The following CDKL5 variants were observed in gnomAD, a reference collection of about 807,000 sequenced individuals.
CDKL5 encodes the protein cyclin-dependent kinase-like 5.
CDKL5 carries 8 observed loss-of-function variants against 61.7 expected under a neutral mutation model. The ratio of observed to expected loss-of-function variants is 0.13; its 90% CI spans 0.08 to 0.23. The LOEUF (loss-of-function observed/expected upper bound fraction) is 0.23. Ranked by LOEUF, CDKL5 falls within the 10% of genes least tolerant of loss-of-function variation. The pLI is 1.00. For synonymous variants in CDKL5, 275 were observed against 272.3 expected (o/e 1.01, Z -0.10); for missense variants, 440 against 734.5 (o/e 0.60, Z 4.63).
At chrX:18,426,012 G>C (rs1473501225) in intron 1 of CDKL5, among the ~76,000 whole-genome samples, 1 of 111,236 alleles carries the variant, frequency 9.0e-6, no homozygotes, top group Non-Finnish European at 1.9e-5. Flanking sequence ...GTTCCCCTCA[G>C]CGGCGGGTCT....
chrX:18,426,280 T>C (rs967395507), intron 1 of CDKL5: 6 of 113,108 alleles, frequency 5.3e-5, no homozygotes, highest in African/African-American at 1.9e-4. Context: ...CAGGCGATGC[T>C]GTGAAGTTCA....
intron 1 of CDKL5, among the ~76,000 whole-genome samples, chrX:18,455,722 G>A (rs1197275590): frequency 1.6e-4 from 18 of 112,575 alleles, no homozygotes; most frequent in African/African-American, 4.8e-4. Flanking sequence ...GAAGATAATC[G>A]TAACAATTAT....
chrX:18,436,897 CAAAA>C (rs60845430), intron 1 of CDKL5, among the ~76,000 whole-genome samples: 9 of 15,806 alleles, frequency 5.7e-4, no homozygotes, highest in Admixed American at 1.5e-3. Flanking sequence ...ACTCTTGACT[CAAAA>C]AAAAAAAAAA....
chrX:18,440,566 C>T (rs758364428), intron 1 of CDKL5, among the ~76,000 whole-genome samples: 1 of 111,582 alleles, frequency 9.0e-6, no homozygotes, highest in Admixed American at 9.6e-5. Context: ...CTCTGCCTCC[C>T]GGGTTCAAGC....
At chrX:18,512,127 G>A (rs181946186) in intron 3 of CDKL5, among the ~76,000 whole-genome samples, 9 of 112,139 alleles carry the variant, frequency 8.0e-5, no homozygotes, top group Non-Finnish European at 1.7e-4. Flanking sequence ...TTTACTGGGA[G>A]AGTAACTTTC....
At chrX:18,588,562 T>C (rs1602276459) in intron 9 of CDKL5, 1 of 139,790 alleles carries the variant, frequency 7.2e-6, no homozygotes, top group African/African-American at 3.2e-5. Context: ...GTTCTTGTTT[T>C]AGTAGATGTT....
intron 21 of CDKL5, among the ~76,000 whole-genome samples, chrX:18,651,264 T>TGTGTGTGTGTGTGTGTGTGAGAGA (rs1491242962): frequency 5.8e-5 from 4 of 69,012 alleles, no homozygotes; most frequent in African/African-American, 2.5e-4. Flanking sequence ...TGTGTGTGTG[T>TGTGTGTGTGTGTGTGTGTGAGAGA]GAGAGAGAGA....
intron 5 of CDKL5, among the ~76,000 whole-genome samples, chrX:18,577,700 T>C (rs1925345418): frequency 8.9e-6 from 1 of 111,865 alleles, no homozygotes; most frequent in Admixed American, 9.5e-5. Context: ...TACTCTTCGT[T>C]CTGGGCAGCA....
chrX:18,610,490 A>G (rs1217664201), intron 14 of CDKL5, among the ~76,000 whole-genome samples: 1 of 112,741 alleles, frequency 8.9e-6, no homozygotes, highest in Non-Finnish European at 1.9e-5. Context: ...CTCTCTCACA[A>G]GGTTGTGAGA....
chrX:18,498,203 A>G (rs1868461100), intron 1 of CDKL5, among the ~76,000 whole-genome samples: 1 of 111,402 alleles, frequency 9.0e-6, no homozygotes, highest in African/African-American at 3.3e-5. Flanking sequence ...CACTTCCTTG[A>G]TCACTTTTTT....
intron 1 of CDKL5, among the ~76,000 whole-genome samples, chrX:18,458,714 C>G (rs1436801213): frequency 9.2e-6 from 1 of 108,430 alleles, no homozygotes; most frequent in Non-Finnish European, 1.9e-5. Context: ...GAGCGAGACC[C>G]TGTCTCAAAA....
intron 21 of CDKL5, among the ~76,000 whole-genome samples, chrX:18,650,895 C>T (rs1928000638): frequency 8.9e-6 from 1 of 112,318 alleles, no homozygotes; most frequent in African/African-American, 3.2e-5. Flanking sequence ...TACCTGTCTT[C>T]ATAAAATTGC....
At chrX:18,651,252 TG>T (rs1928023545) in intron 21 of CDKL5, among the ~76,000 whole-genome samples, 2 of 98,825 alleles carry the variant, frequency 2.0e-5, no homozygotes, top group Non-Finnish European at 4.0e-5. Context: ...TGTGTGTGTG[TG>T]TGTGTGTGTG....
chrX:18,562,093 G>A lies in CDKL5; in HGVS notation c.100-2384G>A, dbSNP rs182962515. Among the ~76,000 whole-genome samples the A allele has an allele frequency of 3.4e-3, 379 of 111,703 alleles. 3 individuals carry two copies. Among genetic ancestry groups the A allele is most frequent in the Non-Finnish European group, 6.2e-3 (331 of 52,983 alleles). On this transcript the variant is annotated intron_variant, in intron 3 of 17. Coordinates refer to ENST00000623535, the MANE Select transcript of CDKL5 (RefSeq NM_001323289.2). ...AGAAAATATTAACCCTAGTGGACCC[G>A]ATTTCACTTATTAAAAGAAAGCTTC...
intron 1 of CDKL5, among the ~76,000 whole-genome samples, chrX:18,436,550 A>C (rs143335212): frequency 1.8e-3 from 195 of 110,781 alleles, no homozygotes; most frequent in African/African-American, 6.0e-3. Context: ...AGAAGGTGCA[A>C]ATGTGATGAG....
At chrX:18,455,855 A>G (rs1278363043) in intron 1 of CDKL5, among the ~76,000 whole-genome samples, 1 of 111,814 alleles carries the variant, frequency 8.9e-6, no homozygotes, top group Non-Finnish European at 1.9e-5. Context: ...CTGAAACATC[A>G]TTATGCAGCA....
rs772058348 is a variant in CDKL5 at position 18,635,511 on chromosome X, G to A, written c.*6754G>A. The A allele has an allele frequency of 2.3e-5, 17 of 752,707 alleles. 1 individual carries two copies. In the South Asian group the frequency reaches 1.1e-3, roughly 48 times the overall value. 62.0% of individuals were successfully genotyped at this position (752,707 alleles called of 1,213,427 possible). On this transcript the variant is annotated 3_prime_UTR_variant, in exon 18 of 18. Coordinates refer to ENST00000623535, the MANE Select transcript of CDKL5 (RefSeq NM_001323289.2). ...AAAGAATGCATTCGAATTCAAATGAGGGATGATGGGCCTTTGAGGTTGTAA... is the reference window on the plus strand; with the variant it reads ...AAAGAATGCATTCGAATTCAAATGAAGGATGATGGGCCTTTGAGGTTGTAA...
At position 18,630,290 on chromosome X, in the gene CDKL5, G is replaced by A; in HGVS notation, c.*1533G>A. 9 of 753,323 alleles carry A rather than the reference G, an allele frequency of 1.2e-5. No individual in the cohort carries two copies. Among genetic ancestry groups the A allele is most frequent in the Non-Finnish European group, 1.3e-5 (8 of 638,900 alleles). 62.1% of individuals were successfully genotyped at this position (753,323 alleles called of 1,213,427 possible). On this transcript the variant is annotated 3_prime_UTR_variant, in exon 18 of 18. Transcript: ENST00000623535. Reference sequence around the variant, plus strand: ...TATCATCAAACCCTTTGGCCATCAAGTGTTATCCTCCCATGCCTCTGGGTC... The same window carrying A: ...TATCATCAAACCCTTTGGCCATCAAATGTTATCCTCCCATGCCTCTGGGTC...
In CDKL5 at chrX:18,510,807, C is replaced by T. The variant is rs532222548; in HGVS notation, c.65-13C>T. 1.9e-5 allele frequency: 22 copies of T among 1,186,987 alleles called. No individual in the cohort carries two copies. Among genetic ancestry groups the T allele is most frequent in the African/African-American group, 1.6e-4 (9 of 56,864 alleles). On this transcript the variant is annotated splice_polypyrimidine_tract_variant and intron_variant, in intron 2 of 17. Transcript: ENST00000623535. ...TATGCGTGCCCTTGATTGTTTACTT[C>T]TTTTTATTATAGGAGCCTATGGAGT...
Sources: gnomAD v4.1 joint callset for allele counts (sites outside exome capture counted in the v4.1 genomes callset) on GRCh38, gnomAD v4.1.1 for gene constraint, MANE v1.5 for transcripts, NCBI Gene and HGNC (gene_info 2026-07-23, HGNC 2026-07-21) for gene names.